Variants in TTLL13 observed in about 807,000 individuals in gnomAD.
TTLL13 encodes the protein tubulin tyrosine ligase like 13.
chr15:90,261,831 T>G, the TTLL13 span, among the ~76,000 whole-genome samples: 1 of 152,228 alleles, frequency 6.6e-6, no homozygotes, highest in Non-Finnish European at 1.5e-5. Flanking sequence ...CCTATTTTCA[T>G]GGCTACCCAC....
chr15:90,263,198 C>G, the TTLL13 span: 1 of 1,438,720 alleles, frequency 7.0e-7, no homozygotes, highest in Non-Finnish European at 9.2e-7. Flanking sequence ...GGCTGTCATT[C>G]CAGGACATGG....
At chr15:90,254,352 G>C in the TTLL13 span, among the ~76,000 whole-genome samples, 2 of 151,378 alleles carry the variant, frequency 1.3e-5, no homozygotes. Context: ...AATTAACCAG[G>C]CATGGTGGCG....
chr15:90,252,559 G>GA, the TTLL13 span, among the ~76,000 whole-genome samples: 228 of 151,910 alleles, frequency 1.5e-3, 2 homozygotes, highest in African/African-American at 5.3e-3. Context: ...CAACGATTAA[G>GA]AAAAAAAACA....
At chr15:90,262,784 C>T in the TTLL13 span, 3 of 1,222,348 alleles carry the variant, frequency 2.5e-6, no homozygotes, top group African/African-American at 4.6e-5. Flanking sequence ...GAGAGGAGTT[C>T]CTAATCAGTA....
At chr15:90,264,800 G>A in the TTLL13 span, 1 of 1,535,944 alleles carries the variant, frequency 6.5e-7, no homozygotes, top group African/African-American at 1.4e-5. Context: ...CCCAAAGCAG[G>A]GCTATTTTCT....
chr15:90,262,860 A>G, the TTLL13 span: 1 of 1,306,116 alleles, frequency 7.7e-7, no homozygotes, highest in Non-Finnish European at 1.0e-6. Flanking sequence ...TTCCTGGGTC[A>G]GGGAAGGGAT....
the TTLL13 span, chr15:90,264,701 A>G: frequency 4.6e-6 from 7 of 1,534,528 alleles, no homozygotes; most frequent in African/African-American, 8.2e-5. Context: ...ACTCAGGGAC[A>G]TCCATGTTTC....
chr15:90,251,251 C>T, the TTLL13 span, among the ~76,000 whole-genome samples: 1 of 149,024 alleles, frequency 6.7e-6, no homozygotes, highest in African/African-American at 2.5e-5. Context: ...GTAGCTGGGA[C>T]TACAGGCACC....
chr15:90,250,496 A>T, the TTLL13 span: 1 of 1,096,096 alleles, frequency 9.1e-7, no homozygotes, highest in Non-Finnish European at 1.3e-6. Context: ...TTTGTCCTGA[A>T]GGGGCAGCAA....
At chr15:90,262,904 C>T in the TTLL13 span, 3 of 1,484,372 alleles carry the variant, frequency 2.0e-6, no homozygotes, top group Non-Finnish European at 2.7e-6. Flanking sequence ...TGTAGCCATC[C>T]TGGGTGATGG....
At chr15:90,260,974 G>A in the TTLL13 span, among the ~76,000 whole-genome samples, 12 of 152,054 alleles carry the variant, frequency 7.9e-5, no homozygotes, top group Admixed American at 2.0e-4. Context: ...TCAGATTCAT[G>A]CTCATAATCA....
the TTLL13 span, chr15:90,257,281 G>A: frequency 1.9e-6 from 3 of 1,609,764 alleles, no homozygotes; most frequent in East Asian, 2.2e-5. Context: ...ATAACAACCT[G>A]GTAAGGGGAC....
chr15:90,257,149 T>G, the TTLL13 span: 6 of 1,613,346 alleles, frequency 3.7e-6, no homozygotes, highest in Non-Finnish European at 5.1e-6. Flanking sequence ...CCCTCCTCAT[T>G]GATGGCTTCA....
the TTLL13 span, among the ~76,000 whole-genome samples, chr15:90,256,606 T>C: frequency 0.064 from 1,907 of 29,674 alleles, 84 homozygotes; most frequent in Middle Eastern, 0.19. Context: ...TCTTTCTTTC[T>C]TTCCTTCCTT....
At chr15:90,256,373 G>T in the TTLL13 span, 3 of 1,585,520 alleles carry the variant, frequency 1.9e-6, no homozygotes, top group African/African-American at 4.1e-5. Context: ...AAAAGCCAGG[G>T]AGGAAGCTGG....
the TTLL13 span, among the ~76,000 whole-genome samples, chr15:90,252,809 A>C: frequency 6.6e-6 from 1 of 152,030 alleles, no homozygotes; most frequent in African/African-American, 2.4e-5. Context: ...TCGAGACCAG[A>C]CTGGCCAACA....
At chr15:90,262,411 C>A in the TTLL13 span, 1 of 1,379,562 alleles carries the variant, frequency 7.2e-7, no homozygotes, top group South Asian at 1.5e-5. Context: ...ATTTCCTGCT[C>A]TTTCCTCATC....
chr15:90,262,746 C>T, the TTLL13 span: 1 of 1,322,078 alleles, frequency 7.6e-7, no homozygotes, highest in South Asian at 1.5e-5. Context: ...TGAATCTCTG[C>T]TGTCTTCTCC....
the TTLL13 span, chr15:90,257,432 G>C: frequency 2.4e-6 from 3 of 1,255,250 alleles, no homozygotes; most frequent in East Asian, 7.4e-5. Context: ...CAAGTGTTTG[G>C]TAGGTGGTGA....
Sources: allele counts gnomAD v4.1 joint callset (sites outside exome capture counted in the v4.1 genomes callset), GRCh38; gene constraint gnomAD v4.1.1; transcripts MANE v1.5; gene names NCBI Gene and HGNC (gene_info 2026-07-23, HGNC 2026-07-21).